Variants in TLL1 observed in about 807,000 individuals in gnomAD.
TLL1 encodes tolloid-like protein 1.
TLL1 carries 49 observed loss-of-function variants against 128.2 expected under a neutral mutation model. The ratio of observed to expected loss-of-function variants is 0.38; its 90% CI spans 0.30 to 0.48. The LOEUF is 0.48. Among genes scored for constraint, TLL1 ranks in the 20% least tolerant of loss-of-function variants. The pLI is 0.96. For synonymous variants in TLL1, 454 were observed against 418.8 expected, an observed-to-expected ratio of 1.08 and a Z score of -1.03; for missense variants, 1,123 against 1,242.0, an observed-to-expected ratio of 0.90 and a Z score of 1.44.
At chr4:165,957,576 A>G (rs1032785721) in intron 1 of TLL1, among the ~76,000 whole-genome samples, 14 of 151,894 alleles carry the variant, frequency 9.2e-5, no homozygotes, top group African/African-American at 2.9e-4. Context: ...GTTGTTTAGT[A>G]GAGATTGATG....
chr4:165,929,331 G>A (rs140806201), intron 1 of TLL1, among the ~76,000 whole-genome samples: 1 of 152,146 alleles, frequency 6.6e-6, no homozygotes, highest in Non-Finnish European at 1.5e-5. Context: ...GAGGTCAAGA[G>A]ATCAAGACCA....
chr4:166,095,579 ATAT>A (rs1231076392), intron 19 of TLL1, among the ~76,000 whole-genome samples: 1 of 152,102 alleles, frequency 6.6e-6, no homozygotes, highest in East Asian at 1.9e-4. Flanking sequence ...CAAAAATAAT[ATAT>A]TATTAAACTC....
intron 1 of TLL1, among the ~76,000 whole-genome samples, chr4:165,899,677 G>A (rs993886974): frequency 1.3e-5 from 2 of 152,158 alleles, no homozygotes; most frequent in African/African-American, 4.8e-5. Flanking sequence ...GTGATGTGGT[G>A]CTGAGAAGAA....
intron 1 of TLL1, among the ~76,000 whole-genome samples, chr4:165,967,428 C>T (rs759676458): frequency 6.6e-6 from 1 of 152,142 alleles, no homozygotes; most frequent in Non-Finnish European, 1.5e-5. Flanking sequence ...GAAATCTTCA[C>T]AATTTATGTT....
At position 166,101,048 on chromosome 4, in the gene TLL1, A is replaced by C; in HGVS notation, c.*172A>C. 1 of 755,766 alleles carries C rather than the reference A, an allele frequency of 1.3e-6. No homozygotes were observed. Among genetic ancestry groups the C allele is most frequent in the Non-Finnish European group, 2.1e-6 (1 of 477,552 alleles). 46.8% of individuals were successfully genotyped at this position (755,766 alleles called of 1,614,324 possible). A position where few individuals can be genotyped will look rare whatever the true frequency, so the allele number is the denominator to read the frequency against. On this transcript the variant is annotated 3_prime_UTR_variant, in exon 21 of 21. Transcript: ENST00000061240. ...AAGAGAAGTTTCCAGCAAAACCCTC[A>C]TCAGCATTACAAGGATATTTGAACT... is the stretch of plus-strand genomic sequence containing the variant.
At chr4:166,016,989 A>T (rs2111055324) in intron 8 of TLL1, among the ~76,000 whole-genome samples, 1 of 151,632 alleles carries the variant, frequency 6.6e-6, no homozygotes, top group East Asian at 2.0e-4. Flanking sequence ...TTACGTGGGA[A>T]TGTTGTGTGA....
chr4:165,934,144 G>A (rs1394429126), intron 1 of TLL1, among the ~76,000 whole-genome samples: 1 of 149,596 alleles, frequency 6.7e-6, no homozygotes, highest in African/African-American at 2.5e-5. Flanking sequence ...GATTACAGGT[G>A]CCTGCCACCA....
intron 1 of TLL1, among the ~76,000 whole-genome samples, chr4:165,976,034 C>CAAAAAAAAAA (rs1169297533): frequency 1.8e-4 from 13 of 72,082 alleles, no homozygotes; most frequent in South Asian, 8.2e-4. Flanking sequence ...GATTCCATCT[C>CAAAAAAAAAA]AAAAAAAAAA....
At chr4:166,085,344 T>C (rs1258794470) in intron 18 of TLL1, among the ~76,000 whole-genome samples, 1 of 152,028 alleles carries the variant, frequency 6.6e-6, no homozygotes, top group Non-Finnish European at 1.5e-5. Flanking sequence ...GTGGGCATCC[T>C]TGTCTTATTT....
intron 1 of TLL1, among the ~76,000 whole-genome samples, chr4:165,885,620 G>A (rs1237340589): frequency 1.3e-5 from 2 of 152,066 alleles, no homozygotes; most frequent in Non-Finnish European, 2.9e-5. Context: ...CTACCAAAGA[G>A]TAGCAAGGTA....
chr4:166,007,929 TC>T lies in TLL1; in HGVS notation c.812-11del, dbSNP rs769802429. The T allele has an allele frequency of 6.4e-7, 1 of 1,561,328 alleles. No individual in the cohort carries two copies. The highest frequency in any genetic ancestry group is 2.2e-5 in the East Asian group (1 of 44,448). On this transcript the variant is annotated splice_polypyrimidine_tract_variant and intron_variant, in intron 6 of 20. Coordinates refer to ENST00000061240, the MANE Select transcript of TLL1 (RefSeq NM_012464.5). ...TAAAAGGCTTCTGAGATTTTGTTTATCCCTGGTTCTTAGGTCAAGAGTACAA... is the reference window on the plus strand; with the variant it reads ...TAAAAGGCTTCTGAGATTTTGTTTATCCTGGTTCTTAGGTCAAGAGTACAA...
chr4:165,888,487 A>G (rs761139946), intron 1 of TLL1, among the ~76,000 whole-genome samples: 6 of 151,794 alleles, frequency 4.0e-5, no homozygotes, highest in Admixed American at 2.0e-4. Flanking sequence ...AGTTTAATTG[A>G]CTTAAATCTC....
intron 1 of TLL1, among the ~76,000 whole-genome samples, chr4:165,985,416 A>G (rs1346533418): frequency 1.3e-5 from 2 of 152,038 alleles, no homozygotes; most frequent in Admixed American, 1.3e-4. Context: ...TTTTCTCCTG[A>G]GTGGACAGAA....
At chr4:166,023,971 G>A (rs1409795616) in intron 8 of TLL1, among the ~76,000 whole-genome samples, 1 of 151,840 alleles carries the variant, frequency 6.6e-6, no homozygotes, top group Non-Finnish European at 1.5e-5. Context: ...GCATTTAACT[G>A]ATCCTACTTA....
intron 18 of TLL1, among the ~76,000 whole-genome samples, chr4:166,086,211 G>T (rs975932935): frequency 6.6e-6 from 1 of 151,918 alleles, no homozygotes; most frequent in Non-Finnish European, 1.5e-5. Flanking sequence ...ATATATTACT[G>T]TACATTAATA....
chr4:165,942,887 C>T (rs1407439934), intron 1 of TLL1, among the ~76,000 whole-genome samples: 1 of 151,802 alleles, frequency 6.6e-6, no homozygotes, highest in Non-Finnish European at 1.5e-5. Flanking sequence ...CTCAGGAAAC[C>T]AAAATGTGTA....
intron 1 of TLL1, among the ~76,000 whole-genome samples, chr4:165,884,401 G>A (rs1731086393): frequency 6.6e-6 from 1 of 152,190 alleles, no homozygotes; most frequent in Admixed American, 6.5e-5. Context: ...GGGGAGCACT[G>A]CAACTTTTAA....
chr4:166,049,164 C>T (rs565909492), intron 12 of TLL1, among the ~76,000 whole-genome samples: 5 of 152,182 alleles, frequency 3.3e-5, no homozygotes, highest in East Asian at 1.9e-4. Flanking sequence ...TCATGAATTA[C>T]GGTCTAGGCT....
At chr4:165,887,656 G>A (rs901901680) in intron 1 of TLL1, among the ~76,000 whole-genome samples, 5 of 152,046 alleles carry the variant, frequency 3.3e-5, no homozygotes, top group African/African-American at 1.2e-4. Context: ...GGTTAAATTT[G>A]GACTTTGTAT....
Sources: allele counts gnomAD v4.1 joint callset (sites outside exome capture counted in the v4.1 genomes callset), GRCh38; gene constraint gnomAD v4.1.1; transcripts MANE v1.5; gene names NCBI Gene and HGNC (gene_info 2026-07-23, HGNC 2026-07-21).